The following DYNC2H1 variants were observed in gnomAD, a reference collection of about 807,000 sequenced individuals.
DYNC2H1 encodes cytoplasmic dynein 2 heavy chain 1.
A neutral mutation model predicts 570.0 loss-of-function variants in DYNC2H1; 410 were observed. The observed-to-expected ratio is 0.72, with a 90% CI of 0.66 to 0.78. DYNC2H1 has a LOEUF of 0.78. Among genes scored for constraint, DYNC2H1 ranks in the 30% least tolerant of loss-of-function variants. The pLI is 0.00. For missense variants in DYNC2H1, 4,865 were observed against 5,046.4 expected (o/e 0.96, Z 1.09); for synonymous variants, 1,688 against 1,677.6 (o/e 1.01, Z -0.15).
rs1384650507 is a variant in DYNC2H1 at position 103,181,282 on chromosome 11, T to C, written c.6348-475T>C. ...CAGTTTAGATCAGTGCATTTTAAACTCTAATGTGCATTTGAATCATCAAGG... is the reference window on the plus strand; with the variant it reads ...CAGTTTAGATCAGTGCATTTTAAACCCTAATGTGCATTTGAATCATCAAGG... On this transcript the variant is annotated intron_variant, in intron 39 of 88. Coordinates refer to ENST00000375735, the MANE Select transcript of DYNC2H1 (RefSeq NM_001377.3). The surrounding 1 kb of genome is among the most constrained non-coding windows in gnomAD (Gnocchi z 5.0). Among the ~76,000 whole-genome samples the C allele has an allele frequency of 6.6e-6, 1 of 151,588 alleles. No homozygotes were observed. The highest frequency in any genetic ancestry group is 2.4e-5 in the African/African-American group (1 of 41,380).
At chr11:103,373,121 G>A (rs2671372) in intron 83 of DYNC2H1, among the ~76,000 whole-genome samples, 102,346 of 151,912 alleles carry the variant, frequency 0.67, 34,578 homozygotes, top group Admixed American at 0.73. Flanking sequence ...TTTTTGTAGA[G>A]ATAGGGTTTT....
intron 83 of DYNC2H1, among the ~76,000 whole-genome samples, chr11:103,372,327 G>A (rs1056120572): frequency 2.0e-5 from 3 of 152,026 alleles, no homozygotes; most frequent in Non-Finnish European, 2.9e-5. Flanking sequence ...CCTTTATCTC[G>A]TTCTTGATCT....
At chr11:103,349,525 G>C (rs1244213887) in intron 82 of DYNC2H1, among the ~76,000 whole-genome samples, 1 of 152,084 alleles carries the variant, frequency 6.6e-6, no homozygotes, top group African/African-American at 2.4e-5. Flanking sequence ...ATTAATACCA[G>C]ATCTTATTTA....
At chr11:103,474,072 G>T in intron 88 of DYNC2H1, 1 of 240,244 alleles carries the variant, frequency 4.2e-6, no homozygotes, top group Non-Finnish European at 9.1e-6. Context: ...TATTTTGTAT[G>T]TTATTTTTTT....
Position 103,256,375 on chromosome 11 carries a change from AT to A in DYNC2H1, c.10461+137del, listed in dbSNP as rs1865057785. On this transcript the variant is annotated intron_variant, in intron 68 of 88. Transcript: ENST00000375735. This position sits in a 1 kb window ranked among gnomAD's most constrained non-coding sequence, Gnocchi z 4.0. Reference sequence around the variant, plus strand: ...AAAAGCTATTCAAAAACATCAGAACATTGGGTTTGATTCTAGTTATTGTAGA... The same window carrying A: ...AAAAGCTATTCAAAAACATCAGAACATGGGTTTGATTCTAGTTATTGTAGA... 4.7e-6 allele frequency: 4 copies of A among 854,310 alleles called. 1 individual carries two copies. In the South Asian group the frequency reaches 7.7e-5, roughly 16 times the overall value. 52.9% of individuals were successfully genotyped at this position (854,310 alleles called of 1,614,324 possible).
chr11:103,220,128 AT>A, intron 56 of DYNC2H1, 100 bp downstream of exon 56: 1 of 631,938 alleles, frequency 1.6e-6, no homozygotes, highest in Non-Finnish European at 2.4e-6. Flanking sequence ...TTCTCATAGT[AT>A]TATAAAATGT....
intron 84 of DYNC2H1, among the ~76,000 whole-genome samples, chr11:103,410,160 C>T (rs1365264972): frequency 1.3e-5 from 2 of 152,088 alleles, no homozygotes; most frequent in Middle Eastern, 3.4e-3. Flanking sequence ...CTCCTCTATA[C>T]GTGTGTAGAG....
In DYNC2H1 at chr11:103,159,019, T is replaced by G. The variant is rs1186066424; in HGVS notation, c.4370T>G (p.Leu1457Arg). Residue 1457 changes from leucine (L) to arginine (R), a missense_variant, in exon 28 of 89, where the codon CTT becomes CGT. Transcript: ENST00000375735. Reference sequence around the variant, plus strand: ...GTGATTCAGTCTCACCTGAAGAAGCTTTTTGCTGGTAGGATTCAACATTTA... The same window carrying G: ...GTGATTCAGTCTCACCTGAAGAAGCGTTTTGCTGGTAGGATTCAACATTTA... ...PSVIQSHLKK[L>R]FAGINSVCFD... 1 of 1,610,652 alleles carries G rather than the reference T, an allele frequency of 6.2e-7. No individual in the cohort carries two copies.
intron 84 of DYNC2H1, among the ~76,000 whole-genome samples, chr11:103,417,900 G>A (rs1455929124): frequency 1.3e-5 from 2 of 149,610 alleles, no homozygotes; most frequent in Non-Finnish European, 3.0e-5. Context: ...ATTGATCAAT[G>A]TTATTTACCA....
At position 103,244,577 on chromosome 11, in the gene DYNC2H1, CTA is replaced by C. The variant is rs1054326882; in HGVS notation, c.9919-668_9919-667del. ...TTATGGTTTGCAATATTATATATAA[CTA>C]TATATGCAAATCATTTATGGTTTGC... On this transcript the variant is annotated intron_variant, in intron 64 of 88. Transcript: ENST00000375735. This position sits in a 1 kb window ranked among gnomAD's most constrained non-coding sequence, Gnocchi z 4.3. Among the ~76,000 whole-genome samples, 3 of 148,744 alleles carry C rather than the reference CTA, an allele frequency of 2.0e-5. No individual in the cohort carries two copies. Among genetic ancestry groups the C allele is most frequent in the East Asian group, 1.9e-4 (1 of 5,134 alleles).
At chr11:103,393,451 T>C (rs1942258424) in intron 83 of DYNC2H1, among the ~76,000 whole-genome samples, 1 of 152,222 alleles carries the variant, frequency 6.6e-6, no homozygotes, top group Non-Finnish European at 1.5e-5. Flanking sequence ...TTTATTAATG[T>C]GCCATCTTTT....
At chr11:103,366,273 T>C (rs1940904146) in intron 83 of DYNC2H1, among the ~76,000 whole-genome samples, 1 of 152,092 alleles carries the variant, frequency 6.6e-6, no homozygotes, top group Non-Finnish European at 1.5e-5. Context: ...CTTGAGCACA[T>C]GTGTGCATAT....
At chr11:103,469,940 A>C (rs182392009) in intron 88 of DYNC2H1, among the ~76,000 whole-genome samples, 1 of 152,314 alleles carries the variant, frequency 6.6e-6, no homozygotes, top group East Asian at 1.9e-4. Flanking sequence ...GGCAGAGATA[A>C]ATTCCAACGA....
chr11:103,374,900 A>G (rs1031361615), intron 83 of DYNC2H1, among the ~76,000 whole-genome samples: 1 of 152,218 alleles, frequency 6.6e-6, no homozygotes, highest in Non-Finnish European at 1.5e-5. Flanking sequence ...AGAAATTTGT[A>G]TAATGAAGAG....
At chr11:103,187,189 A>T in intron 42 of DYNC2H1, 151 bp from the exon 43 acceptor site, 1 of 1,093,762 alleles carries the variant, frequency 9.1e-7, no homozygotes, top group Non-Finnish European at 1.3e-6. Flanking sequence ...TTTGATAGTT[A>T]TGGAAGCCAT....
intron 84 of DYNC2H1, chr11:103,403,391 A>G (rs1232974320): frequency 2.0e-5 from 3 of 152,126 alleles, no homozygotes; most frequent in Non-Finnish European, 2.9e-5. Flanking sequence ...CAAGATAACA[A>G]TAGATCATGT....
intron 84 of DYNC2H1, among the ~76,000 whole-genome samples, chr11:103,425,952 C>T (rs1350164514): frequency 1.9e-5 from 2 of 102,694 alleles, no homozygotes; most frequent in African/African-American, 9.3e-5. Flanking sequence ...TGGCCATAAA[C>T]AAAATCTCTG....
At chr11:103,376,184 C>G (rs1941383006) in intron 83 of DYNC2H1, among the ~76,000 whole-genome samples, 1 of 152,208 alleles carries the variant, frequency 6.6e-6, no homozygotes, top group Non-Finnish European at 1.5e-5. Context: ...TTGTAAATTT[C>G]CTGAGGCCTC....
At chr11:103,246,984 TTCTC>T (rs914582986) in intron 65 of DYNC2H1, among the ~76,000 whole-genome samples, 17 of 151,790 alleles carry the variant, frequency 1.1e-4, no homozygotes, top group African/African-American at 4.1e-4. Context: ...AATTCTCTTT[TTCTC>T]TCTCTCTCTC....
Sources: allele counts gnomAD v4.1 joint callset (sites outside exome capture counted in the v4.1 genomes callset), GRCh38; gene constraint gnomAD v4.1.1; non-coding constraint Gnocchi (gnomAD v3.1); transcripts MANE v1.5; gene names NCBI Gene and HGNC (gene_info 2026-07-23, HGNC 2026-07-21).